UNC5D: variants seen among roughly 807,000 people sequenced by gnomAD.
The protein encoded by UNC5D is unc-5 netrin receptor D.
Under a neutral mutation model 105.4 loss-of-function variants are expected in UNC5D, and 39 were observed. The observed-to-expected ratio is 0.37, with a 90% confidence interval of 0.29 to 0.48. The LOEUF (loss-of-function observed/expected upper bound fraction) is 0.48. Ranked by LOEUF, UNC5D falls within the 20% of genes least tolerant of loss-of-function variation. The probability of loss-of-function intolerance (pLI) is 0.98; values close to 1 mark genes in which losing one functional copy is unlikely to be tolerated. For missense variants in UNC5D, 991 were observed against 1,202.4 expected, an observed-to-expected ratio of 0.82 and a Z score of 2.60; for synonymous variants, 452 against 450.4, an observed-to-expected ratio of 1.00 and a Z score of -0.04.
chr8:35,272,918 A>C (rs1805518483), intron 1 of UNC5D, among the ~76,000 whole-genome samples: 1 of 152,254 alleles, frequency 6.6e-6, no homozygotes, highest in South Asian at 2.1e-4. Flanking sequence ...TGTTTGAGCT[A>C]CTTATTAAAC....
chr8:35,362,108 T>C (rs1801888423), intron 1 of UNC5D, among the ~76,000 whole-genome samples: 1 of 152,146 alleles, frequency 6.6e-6, no homozygotes. Context: ...TAGGAAAATA[T>C]TTATAATAGA....
At chr8:35,433,797 C>T (rs1409717954) in intron 1 of UNC5D, among the ~76,000 whole-genome samples, 2 of 148,492 alleles carry the variant, frequency 1.3e-5, no homozygotes, top group African/African-American at 2.5e-5. Flanking sequence ...TGCAGTGAGC[C>T]GAGATTGCAC....
At chr8:35,775,418 G>A (rs374427329) in intron 16 of UNC5D, among the ~76,000 whole-genome samples, 7 of 152,256 alleles carry the variant, frequency 4.6e-5, no homozygotes, top group African/African-American at 1.2e-4. Context: ...AAGACAGGCA[G>A]GGGTGATGCT....
At chr8:35,719,131 C>T (rs1235316868) in intron 8 of UNC5D, among the ~76,000 whole-genome samples, 2 of 136,120 alleles carry the variant, frequency 1.5e-5, no homozygotes, top group Non-Finnish European at 3.1e-5. Flanking sequence ...CTTACATGCA[C>T]ATGTGCTTAT....
At chr8:35,762,482 A>G (rs1801580046) in intron 14 of UNC5D, among the ~76,000 whole-genome samples, 1 of 152,110 alleles carries the variant, frequency 6.6e-6, no homozygotes, top group South Asian at 2.1e-4. Context: ...TTCAAAGAAA[A>G]CCTGAGGCCC....
intron 1 of UNC5D, among the ~76,000 whole-genome samples, chr8:35,511,796 C>T (rs1042500035): frequency 3.3e-5 from 5 of 151,880 alleles, no homozygotes; most frequent in African/African-American, 7.3e-5. Context: ...TGTTGGGCTA[C>T]GTTCAAAGCC....
intron 1 of UNC5D, among the ~76,000 whole-genome samples, chr8:35,299,450 G>A (rs1209496622): frequency 6.6e-6 from 1 of 152,144 alleles, no homozygotes; most frequent in African/African-American, 2.4e-5. Flanking sequence ...CAGACTGCTG[G>A]GTCTATTCTT....
chr8:35,263,027 A>G (rs1480686431), intron 1 of UNC5D, among the ~76,000 whole-genome samples: 1 of 152,170 alleles, frequency 6.6e-6, no homozygotes. Flanking sequence ...TTCCAGTTTC[A>G]TCTCTCACCA....
intron 1 of UNC5D, among the ~76,000 whole-genome samples, chr8:35,508,480 G>A (rs1812477210): frequency 6.6e-6 from 1 of 152,182 alleles, no homozygotes; most frequent in African/African-American, 2.4e-5. Flanking sequence ...CAAAGGCAGG[G>A]ATCACTTGCA....
At chr8:35,333,043 T>C (rs1810745041) in intron 1 of UNC5D, among the ~76,000 whole-genome samples, 1 of 152,180 alleles carries the variant, frequency 6.6e-6, no homozygotes, top group African/African-American at 2.4e-5. Flanking sequence ...GTTTTGCACA[T>C]AGCTAAAGAT....
chr8:35,453,952 G>T (rs1808326993), intron 1 of UNC5D, among the ~76,000 whole-genome samples: 1 of 151,924 alleles, frequency 6.6e-6, no homozygotes, highest in Admixed American at 6.6e-5. Flanking sequence ...TTCTCCTAAT[G>T]GTAGAAAAAT....
chr8:35,549,338 T>C lies in UNC5D; in HGVS notation c.150T>C (p.Pro50=). The change falls in exon 2 of 17, where the codon CCT becomes CCC. Residue 50 remains proline, a synonymous_variant. Transcript: ENST00000404895. Reference sequence around the variant, plus strand: ...TTCCCGAATCCATCCCATCAGCTCCTGGGACACTGCCTCATTTCATAGAGG... The same window carrying C: ...TTCCCGAATCCATCCCATCAGCTCCCGGGACACTGCCTCATTTCATAGAGG... ...EALPESIPSA[P]GTLPHFIEEP... 2.5e-6 allele frequency: 4 copies of C among 1,613,522 alleles called. No homozygotes were observed. The highest frequency in any genetic ancestry group is 3.4e-6 in the Non-Finnish European group (4 of 1,180,028).
chr8:35,750,609 A>G lies in UNC5D; in HGVS notation c.1963A>G (p.Thr655Ala), dbSNP rs765461155. 1 of 1,614,186 alleles carries G rather than the reference A, an allele frequency of 6.2e-7. No individual in the cohort carries two copies. Among genetic ancestry groups the G allele is most frequent in the South Asian group, 1.1e-5 (1 of 91,088 alleles). The part of the protein sequence containing the change: ...EEVMSVEDES[T>A]SCYCLLDPFA... The stretch of plus-strand genomic sequence containing the variant: ...AGTGATGTCAGTGGAAGATGAATCT[A>G]CATCCTGTTACTGCCTTTTGGACCC... The change falls in exon 13 of 17, where the codon ACA becomes GCA. Residue 655 changes from threonine to alanine, a missense_variant. By Grantham distance (58) the Thr-to-Ala change is moderately conservative (BLOSUM62 0). Transcript: ENST00000404895.
intron 7 of UNC5D, among the ~76,000 whole-genome samples, chr8:35,696,847 CCTT>C (rs773026306): frequency 3.3e-5 from 5 of 152,050 alleles, no homozygotes; most frequent in Non-Finnish European, 7.4e-5. Flanking sequence ...AAAGACCTGG[CCTT>C]CTTACGTGTG....
intron 1 of UNC5D, among the ~76,000 whole-genome samples, chr8:35,374,285 T>C (rs1802572284): frequency 6.6e-6 from 1 of 152,112 alleles, no homozygotes; most frequent in Non-Finnish European, 1.5e-5. Flanking sequence ...TGTCCAAAGA[T>C]GATGATGTGA....
intron 1 of UNC5D, among the ~76,000 whole-genome samples, chr8:35,476,875 G>T (rs1275736840): frequency 6.6e-6 from 1 of 152,164 alleles, no homozygotes; most frequent in Non-Finnish European, 1.5e-5. Flanking sequence ...ACGTTGTACT[G>T]TGATGCTTTG....
chr8:35,331,500 C>T (rs1049917141), intron 1 of UNC5D, among the ~76,000 whole-genome samples: 5 of 152,122 alleles, frequency 3.3e-5, no homozygotes, highest in Admixed American at 2.0e-4. Context: ...GTCATCTTAG[C>T]CTCCTCGCCT....
At chr8:35,377,886 C>T (rs1057037085) in intron 1 of UNC5D, among the ~76,000 whole-genome samples, 2 of 152,166 alleles carry the variant, frequency 1.3e-5, no homozygotes, top group Non-Finnish European at 1.5e-5. Context: ...GTTCTATGTC[C>T]TTTATTTCTG....
intron 1 of UNC5D, among the ~76,000 whole-genome samples, chr8:35,382,826 G>T (rs151090315): frequency 6.6e-6 from 1 of 152,256 alleles, no homozygotes; most frequent in Non-Finnish European, 1.5e-5. Flanking sequence ...TGATGTTTCT[G>T]TGAAAGTGTA....
Sources: allele counts gnomAD v4.1 joint callset (sites outside exome capture counted in the v4.1 genomes callset), GRCh38; gene constraint gnomAD v4.1.1; transcripts MANE v1.5; gene names NCBI Gene and HGNC (gene_info 2026-07-23, HGNC 2026-07-21).